The following PDAP1 variants were observed in gnomAD, a reference collection of about 807,000 sequenced individuals.
PDAP1 encodes the protein PDGFA associated protein 1.
Under a neutral mutation model 28.0 loss-of-function variants are expected in PDAP1, and 13 were observed. The ratio of observed to expected loss-of-function variants is 0.46; its 90% CI spans 0.30 to 0.74. The LOEUF is 0.74. Among genes scored for constraint, PDAP1 ranks in the 30% least tolerant of loss-of-function variants. The pLI, the probability that PDAP1 is intolerant of heterozygous loss-of-function variation, is 0.07. For synonymous variants in PDAP1, 77 were observed against 85.1 expected (o/e 0.91, Z 0.52); for missense variants, 150 against 230.0 (o/e 0.65, Z 2.25).
intron 2 of PDAP1, among the ~76,000 whole-genome samples, chr7:99,404,534 G>A (rs1794934786): frequency 6.6e-6 from 1 of 152,120 alleles, no homozygotes; most frequent in African/African-American, 2.4e-5. Context: ...AGACAAGCAG[G>A]GGTGCTGGGA....
chr7:99,402,620 C>A lies in PDAP1; in HGVS notation c.213+778G>T, dbSNP rs549613096. 4.1e-5 allele frequency among the ~76,000 whole-genome samples: 6 copies of A among 148,130 alleles called. No individual in the cohort carries two copies. The East Asian group carries it at 1.2e-3, about 29-fold the overall frequency. ...AAAAGGGGGCTGGGCTAGTGGCTCA[C>A]GCTTATAATCCCAGTACTTTGGGAG... On this transcript the variant is annotated intron_variant, in intron 3 of 5. Coordinates refer to ENST00000350498, the MANE Select transcript of PDAP1 (RefSeq NM_014891.7).
intron 4 of PDAP1, among the ~76,000 whole-genome samples, chr7:99,398,575 G>A (rs776593825): frequency 1.2e-4 from 19 of 152,254 alleles, no homozygotes; most frequent in Admixed American, 5.2e-4. Flanking sequence ...CATGGCTAAG[G>A]CAGCATGGCT....
At position 99,396,254 on chromosome 7, in the gene PDAP1, G is replaced by A; in HGVS notation, c.*428C>T. 3.9e-6 allele frequency: 1 copy of A among 255,486 alleles called. No homozygotes were observed. Among genetic ancestry groups the A allele is most frequent in the Non-Finnish European group, 7.8e-6 (1 of 128,052 alleles). 15.8% of individuals were successfully genotyped at this position (255,486 alleles called of 1,614,324 possible). A position where few individuals can be genotyped will look rare whatever the true frequency, so the allele number is the denominator to read the frequency against. On this transcript the variant is annotated 3_prime_UTR_variant, in exon 6 of 6. Transcript: ENST00000350498. ...GGCTCCCAGATGATAGCCCCTCTCT[G>A]AATGAGCACCCAGGCAACACAGTCC...
At chr7:99,397,823 A>G in intron 5 of PDAP1, 39 bp downstream of exon 5, 3 of 1,603,070 alleles carry the variant, frequency 1.9e-6, no homozygotes, top group East Asian at 2.2e-5. Context: ...CCAGGACCAG[A>G]GTTGGGGCCT....
chr7:99,402,154 G>A (rs1285070140), intron 3 of PDAP1, among the ~76,000 whole-genome samples: 2 of 149,696 alleles, frequency 1.3e-5, no homozygotes, highest in Admixed American at 6.6e-5. Flanking sequence ...GCCTGAACCC[G>A]GGAGGCGGAG....
In PDAP1 at chr7:99,407,875, AAT is replaced by A. The variant is rs1454030768; in HGVS notation, c.13+659_13+660del. On this transcript the variant is annotated intron_variant, in intron 1 of 5. Transcript: ENST00000350498. ...GAGCTGGCAAAGCCTTAAAAATAAG[AAT>A]AGTTACTGCTTCACTGGGCACTTTT... 2.0e-5 allele frequency among the ~76,000 whole-genome samples: 3 copies of A among 152,338 alleles called. No individual in the cohort carries two copies. The South Asian group carries it at 6.2e-4, about 32-fold the overall frequency.
At position 99,397,894 on chromosome 7, in the gene PDAP1, T is replaced by C; in HGVS notation, c.455A>G (p.Glu152Gly). The change falls in exon 5 of 6, where the codon GAG (glutamate) becomes GGG (glycine). Residue 152 changes from glutamate (E) to glycine (G), a missense_variant. Physicochemically the swap from Glu to Gly is moderately conservative, Grantham distance 98. Transcript: ENST00000350498. ...RLAIIRKQREEAARKKEEERK... is the reference protein window; with the variant it reads ...RLAIIRKQREGAARKKEEERK... ...TTCCTCTTCCTTCTTCCGGGCAGCC[T>C]CCTCCCGCTGTTTCCGGATGATGGC... The C allele has an allele frequency of 6.2e-7, 1 of 1,613,508 alleles. No homozygotes were observed. Among genetic ancestry groups the C allele is most frequent in the Non-Finnish European group, 8.5e-7 (1 of 1,180,022 alleles).
intron 1 of PDAP1, 35 bp from the exon 2 acceptor site, chr7:99,404,988 G>T: frequency 6.5e-7 from 1 of 1,536,810 alleles, no homozygotes; most frequent in Non-Finnish European, 9.0e-7. Flanking sequence ...AGCGGAAGCA[G>T]CTGCCTTGAC....
intron 4 of PDAP1, 33 bp downstream of exon 4, chr7:99,400,270 C>T: frequency 6.2e-7 from 1 of 1,610,976 alleles, no homozygotes; most frequent in Non-Finnish European, 8.5e-7. Context: ...GGCCTGTATT[C>T]CCCGTGACAC....
intron 3 of PDAP1, among the ~76,000 whole-genome samples, chr7:99,402,833 C>T (rs1366786686): frequency 2.1e-5 from 3 of 142,162 alleles, no homozygotes; most frequent in Non-Finnish European, 4.5e-5. Context: ...GAGCTGAGAT[C>T]GTGCCACTGC....
intron 1 of PDAP1, among the ~76,000 whole-genome samples, chr7:99,407,825 G>T (rs1206204029): frequency 6.6e-6 from 1 of 152,192 alleles, no homozygotes; most frequent in Non-Finnish European, 1.5e-5. Context: ...GGACTGGGCA[G>T]TCATGAACCT....
At position 99,395,951 on chromosome 7, in the gene PDAP1, A is replaced by T. The variant is rs1266329382; in HGVS notation, c.*731T>A. 1 of 152,914 alleles carries T rather than the reference A, an allele frequency of 6.5e-6. No individual in the cohort carries two copies. The highest frequency in any genetic ancestry group is 2.4e-5 in the African/African-American group (1 of 41,476). 9.5% of individuals were successfully genotyped at this position (152,914 alleles called of 1,614,324 possible). On this transcript the variant is annotated 3_prime_UTR_variant, in exon 6 of 6. Coordinates refer to ENST00000350498, the MANE Select transcript of PDAP1 (RefSeq NM_014891.7). ...CCAGCTGGGTAAAAACGGCTCGAGCACGGAAGCCAAAGGATGGATTGCCAA... is the reference window on the plus strand; with the variant it reads ...CCAGCTGGGTAAAAACGGCTCGAGCTCGGAAGCCAAAGGATGGATTGCCAA...
In PDAP1 at chr7:99,395,034, A is replaced by G. The variant is rs774577105; in HGVS notation, c.*1648T>C. The G allele has an allele frequency of 1.1e-5, 2 of 190,212 alleles. No homozygotes were observed. Among genetic ancestry groups the G allele is most frequent in the Non-Finnish European group, 2.0e-5 (2 of 97,808 alleles). 11.8% of individuals were successfully genotyped at this position (190,212 alleles called of 1,614,324 possible). On this transcript the variant is annotated 3_prime_UTR_variant, in exon 6 of 6. Coordinates refer to ENST00000350498, the MANE Select transcript of PDAP1 (RefSeq NM_014891.7). ...CTGAAGCCCAACGGCCTTATGCCAA[A>G]TGGTTCCCTCCCCACTGCTGTCCAT...
At chr7:99,403,671 A>C (rs1584421754) in intron 2 of PDAP1, 166 bp from the exon 3 acceptor site, 1 of 684,350 alleles carries the variant, frequency 1.5e-6, no homozygotes, top group Non-Finnish European at 2.7e-6. Context: ...AGGGAATGGG[A>C]CCTGGGCCAG....
chr7:99,405,429 G>A (rs1040072682), intron 1 of PDAP1, among the ~76,000 whole-genome samples: 8 of 146,938 alleles, frequency 5.4e-5, no homozygotes, highest in Non-Finnish European at 8.9e-5. Flanking sequence ...GCGCAATCTC[G>A]GCTCACCGCA....
chr7:99,400,586 T>C (rs1365558887), intron 3 of PDAP1, among the ~76,000 whole-genome samples, 162 bp from the exon 4 acceptor site: 1 of 152,190 alleles, frequency 6.6e-6, no homozygotes, highest in Non-Finnish European at 1.5e-5. Flanking sequence ...TATAGCTCTC[T>C]GGAGCATCTT....
intron 4 of PDAP1, among the ~76,000 whole-genome samples, chr7:99,399,336 C>G (rs1794819237): frequency 6.6e-6 from 1 of 152,152 alleles, no homozygotes. Context: ...GGAATGATGA[C>G]TAAGGCAGCC....
rs1055908146 is a variant in PDAP1 at position 99,396,618 on chromosome 7, G to A, written c.*64C>T. On this transcript the variant is annotated 3_prime_UTR_variant, in exon 6 of 6. Coordinates refer to ENST00000350498, the MANE Select transcript of PDAP1 (RefSeq NM_014891.7). ...AGCGGCGCCAGGGCACAGGGTGGGCGAGACACAGCAGAGGTCCTGGCAGCG... is the reference window on the plus strand; with the variant it reads ...AGCGGCGCCAGGGCACAGGGTGGGCAAGACACAGCAGAGGTCCTGGCAGCG... 13 of 1,403,464 alleles carry A rather than the reference G, an allele frequency of 9.3e-6. No homozygotes were observed. The highest frequency in any genetic ancestry group is 6.8e-5 in the East Asian group (3 of 43,866). The allele number at this position is 1,403,464 out of a possible 1,614,324, so 86.9% of individuals were successfully genotyped here.
intron 1 of PDAP1, among the ~76,000 whole-genome samples, chr7:99,405,347 C>A (rs1794953630): frequency 6.6e-6 from 1 of 151,704 alleles, no homozygotes; most frequent in South Asian, 2.1e-4. Flanking sequence ...TGTTCTGTCA[C>A]AGCCAGGGGC....
Sources: allele counts gnomAD v4.1 joint callset (sites outside exome capture counted in the v4.1 genomes callset), GRCh38; gene constraint gnomAD v4.1.1; transcripts MANE v1.5; gene names NCBI Gene and HGNC (gene_info 2026-07-23, HGNC 2026-07-21).